Variants in RNF220 observed in about 807,000 individuals in gnomAD.
RNF220 encodes ring finger protein 220.
A neutral mutation model predicts 67.1 loss-of-function variants in RNF220; 7 were observed. The ratio of observed to expected loss-of-function variants is 0.10; its 90% CI spans 0.06 to 0.20. RNF220 has a LOEUF of 0.20. Among genes scored for constraint, RNF220 ranks in the 10% least tolerant of loss-of-function variants. RNF220 has a pLI of 1.00. For missense variants in RNF220, 565 were observed against 740.3 expected (o/e 0.76, Z 2.75); for synonymous variants, 270 against 283.2 (o/e 0.95, Z 0.47).
intron 2 of RNF220, among the ~76,000 whole-genome samples, chr1:44,587,906 G>A (rs1208100401): frequency 1.3e-5 from 2 of 152,172 alleles, no homozygotes; most frequent in African/African-American, 2.4e-5. Context: ...GTGCATTTGC[G>A]GCTATGTCCA....
intron 2 of RNF220, among the ~76,000 whole-genome samples, chr1:44,609,409 C>G (rs547493847): frequency 6.6e-6 from 1 of 152,276 alleles, no homozygotes; most frequent in Non-Finnish European, 1.5e-5. Context: ...GGGACAAAAC[C>G]AAACATGCCA....
chr1:44,522,080 A>T (rs917781853), intron 2 of RNF220, among the ~76,000 whole-genome samples: 1 of 147,782 alleles, frequency 6.8e-6, no homozygotes, highest in Non-Finnish European at 1.5e-5. Context: ...TCTTGTCTCT[A>T]CTCTGTCTTG....
rs778950400 is a variant in RNF220, at chr1:44,645,389, G to A, written c.1367-21G>A. 6 of 1,613,974 alleles carry A rather than the reference G, an allele frequency of 3.7e-6. No individual in the cohort carries two copies. The highest frequency in any genetic ancestry group is 4.5e-5 in the East Asian group (2 of 44,876). Reference sequence around the variant, plus strand: ...GCTGCCCAGTCTGGCCGGAGTGTGAGTTGCCCCTCTGTCCCAGCAGAGATG... The same window carrying A: ...GCTGCCCAGTCTGGCCGGAGTGTGAATTGCCCCTCTGTCCCAGCAGAGATG... On this transcript the variant is annotated intron_variant, in intron 11 of 14. Coordinates refer to ENST00000361799, the MANE Select transcript of RNF220 (RefSeq NM_018150.4). This position sits in a 1 kb window ranked among gnomAD's most constrained non-coding sequence, Gnocchi z 5.0.
chr1:44,502,157 T>TCA (rs57102316), intron 2 of RNF220, among the ~76,000 whole-genome samples: 3,003 of 144,172 alleles, frequency 0.021, 56 homozygotes, highest in African/African-American at 0.04. Context: ...TCTCTCTCTC[T>TCA]CACACACACA....
intron 2 of RNF220, among the ~76,000 whole-genome samples, chr1:44,577,999 C>A (rs1424346211): frequency 6.6e-6 from 1 of 151,204 alleles, no homozygotes; most frequent in East Asian, 1.9e-4. Flanking sequence ...AGAGACAGGG[C>A]CTCACCATGT....
At chr1:44,408,306 G>A (rs1445169442) in intron 1 of RNF220, among the ~76,000 whole-genome samples, 2 of 152,218 alleles carry the variant, frequency 1.3e-5, no homozygotes, top group Admixed American at 6.5e-5. Context: ...GCCAAGCTGG[G>A]CCTGAACCCG....
chr1:44,578,693 C>T (rs1195340001), intron 2 of RNF220, among the ~76,000 whole-genome samples: 1 of 152,194 alleles, frequency 6.6e-6, no homozygotes, highest in Non-Finnish European at 1.5e-5. Context: ...TGATCAACAA[C>T]TCTAATCACT....
At chr1:44,429,212 A>T (rs1261563550) in intron 2 of RNF220, among the ~76,000 whole-genome samples, 1 of 152,142 alleles carries the variant, frequency 6.6e-6, no homozygotes, top group Non-Finnish European at 1.5e-5. Flanking sequence ...AATTTTGAGC[A>T]ATTGTTTTAA....
rs967234515 is a variant in RNF220 at position 44,622,844 on chromosome 1, A to T, written c.804+57A>T. The T allele has an allele frequency of 2.8e-5, 41 of 1,483,736 alleles. No homozygotes were observed. The highest frequency in any genetic ancestry group is 3.7e-5 in the Non-Finnish European group (39 of 1,064,164). The allele number at this position is 1,483,736 out of a possible 1,614,324, so 91.9% of individuals were successfully genotyped here. A position where few individuals can be genotyped will look rare whatever the true frequency, so the allele number is the denominator to read the frequency against. Reference sequence around the variant, plus strand: ...CCATACTAACCTAGGCCTACCCAGAACTGGTTCCTCCTGAGAAAAAGGAGC... The same window carrying T: ...CCATACTAACCTAGGCCTACCCAGATCTGGTTCCTCCTGAGAAAAAGGAGC... On this transcript the variant is annotated intron_variant, in intron 4 of 14. Transcript: ENST00000361799. The surrounding 1 kb of genome is among the most constrained non-coding windows in gnomAD (Gnocchi z 4.3).
At chr1:44,601,784 A>G (rs6668417) in intron 2 of RNF220, among the ~76,000 whole-genome samples, 73,993 of 152,044 alleles carry the variant, frequency 0.49, 18,927 homozygotes, top group Middle Eastern at 0.61. Context: ...AAGAGCATGC[A>G]AAAGGATTGT....
At chr1:44,419,640 C>T (rs1385706020) in intron 2 of RNF220, 1 of 152,182 alleles carries the variant, frequency 6.6e-6, no homozygotes, top group Non-Finnish European at 1.5e-5. Flanking sequence ...TTTTCATCAT[C>T]TTACCACTCT....
intron 2 of RNF220, among the ~76,000 whole-genome samples, chr1:44,527,113 G>C (rs1001926976): frequency 1.3e-5 from 2 of 151,898 alleles, no homozygotes; most frequent in Non-Finnish European, 2.9e-5. Flanking sequence ...GAATACCATG[G>C]CTGCAACTTC....
At chr1:44,602,355 A>T (rs538513294) in intron 2 of RNF220, among the ~76,000 whole-genome samples, 68 of 152,242 alleles carry the variant, frequency 4.5e-4, no homozygotes, top group Non-Finnish European at 1.2e-4. Flanking sequence ...CCTGAGGAGC[A>T]TGGAGTTGGG....
At chr1:44,546,669 T>C (rs1007853563) in intron 2 of RNF220, among the ~76,000 whole-genome samples, 2 of 152,164 alleles carry the variant, frequency 1.3e-5, no homozygotes, top group African/African-American at 4.8e-5. Context: ...TTCAGAGTCA[T>C]TGATGCACCG....
chr1:44,470,085 G>A (rs1160114085), intron 2 of RNF220, among the ~76,000 whole-genome samples: 1 of 152,188 alleles, frequency 6.6e-6, no homozygotes, highest in Non-Finnish European at 1.5e-5. Flanking sequence ...ATGTGCAGAG[G>A]TGAGTAAGGA....
In RNF220 at chr1:44,543,479, A is replaced by G. The variant is rs559245135; in HGVS notation, c.626-70686A>G. Reference sequence around the variant, plus strand: ...ACCGACGGGAGGTTAACAGCTGGACATGACATGACAAATTGGGCATTTTTC... The same window carrying G: ...ACCGACGGGAGGTTAACAGCTGGACGTGACATGACAAATTGGGCATTTTTC... On this transcript the variant is annotated intron_variant, in intron 2 of 14. Coordinates refer to ENST00000361799, the MANE Select transcript of RNF220 (RefSeq NM_018150.4). Among the ~76,000 whole-genome samples, 9 of 152,252 alleles carry G rather than the reference A, an allele frequency of 5.9e-5. No individual in the cohort carries two copies. The East Asian group carries it at 1.5e-3, about 26-fold the overall frequency.
At chr1:44,561,841 C>T (rs536814397) in intron 2 of RNF220, among the ~76,000 whole-genome samples, 2 of 152,252 alleles carry the variant, frequency 1.3e-5, no homozygotes, top group East Asian at 3.9e-4. Flanking sequence ...CACTCGAACT[C>T]AGGAGGTTGA....
chr1:44,497,118 G>A (rs1011221752), intron 2 of RNF220, among the ~76,000 whole-genome samples: 1 of 152,104 alleles, frequency 6.6e-6, no homozygotes, highest in Non-Finnish European at 1.5e-5. Context: ...CTAAGCAACG[G>A]TTACACTAGT....
intron 2 of RNF220, among the ~76,000 whole-genome samples, chr1:44,486,702 G>T (rs1475545827): frequency 6.6e-6 from 1 of 152,148 alleles, no homozygotes. Flanking sequence ...AAGCCCACTT[G>T]GGAAGCCATG....
Sources: allele counts gnomAD v4.1 joint callset (sites outside exome capture counted in the v4.1 genomes callset), GRCh38; gene constraint gnomAD v4.1.1; non-coding constraint Gnocchi (gnomAD v3.1); transcripts MANE v1.5; gene names NCBI Gene and HGNC (gene_info 2026-07-23, HGNC 2026-07-21).